Variants in NBEA observed in about 807,000 individuals in gnomAD.
NBEA encodes the protein neurobeachin.
Under a neutral mutation model 343.4 loss-of-function variants are expected in NBEA, and 44 were observed. The observed-to-expected ratio is 0.13, with a 90% CI of 0.10 to 0.16. The LOEUF (loss-of-function observed/expected upper bound fraction) is 0.16. NBEA is among the 10% of genes least tolerant of loss of function. The pLI, the probability that NBEA is intolerant of heterozygous loss-of-function variation, is 1.00. For missense variants in NBEA, 2,555 were observed against 3,631.3 expected (o/e 0.70, Z 7.62); for synonymous variants, 1,175 against 1,238.7 (o/e 0.95, Z 1.08).
intron 1 of NBEA, among the ~76,000 whole-genome samples, chr13:34,992,620 C>G (rs900529440): frequency 2.6e-5 from 4 of 151,698 alleles, no homozygotes; most frequent in African/African-American, 9.7e-5. Flanking sequence ...GGGAATAGTG[C>G]CCTTCAGTGT....
At chr13:35,591,487 C>T (rs899747305) in intron 46 of NBEA, among the ~76,000 whole-genome samples, 3 of 152,006 alleles carry the variant, frequency 2.0e-5, no homozygotes, top group Admixed American at 6.6e-5. Context: ...TCCTAAACAG[C>T]AATATGGACT....
intron 2 of NBEA, among the ~76,000 whole-genome samples, chr13:35,042,504 A>T (rs193213317): frequency 9.9e-5 from 15 of 151,568 alleles, no homozygotes; most frequent in Non-Finnish European, 1.9e-4. Flanking sequence ...CTGCTACTCT[A>T]TGGAGTGCAG....
rs1041919650 is a variant in NBEA at position 35,041,272 on chromosome 13, A to G, written c.526+108A>G. Reference sequence around the variant, plus strand: ...AGATTTGTTGACATTACTTTGATTTAAAATAAATGGAAATGTGTGGAAATT... The same window carrying G: ...AGATTTGTTGACATTACTTTGATTTGAAATAAATGGAAATGTGTGGAAATT... On this transcript the variant is annotated intron_variant, in intron 2 of 58. Transcript: ENST00000379939. The G allele has an allele frequency of 5.5e-5, 52 of 939,726 alleles. No individual in the cohort carries two copies. In the African/African-American group the frequency reaches 7.0e-4, roughly 13 times the overall value. The allele number at this position is 939,726 out of a possible 1,614,324, so 58.2% of individuals were successfully genotyped here.
chr13:35,441,174 A>G (rs908080554), intron 39 of NBEA, among the ~76,000 whole-genome samples: 2 of 152,094 alleles, frequency 1.3e-5, no homozygotes, highest in African/African-American at 2.4e-5. Context: ...ATTTTCCATC[A>G]TCTCACACTT....
intron 17 of NBEA, among the ~76,000 whole-genome samples, chr13:35,136,877 C>G (rs576357048): frequency 6.6e-6 from 1 of 152,258 alleles, no homozygotes; most frequent in South Asian, 2.1e-4. Context: ...AAGACAAGGT[C>G]AAGGAAGTGA....
intron 38 of NBEA, among the ~76,000 whole-genome samples, chr13:35,402,768 A>G (rs1231859966): frequency 1.3e-5 from 2 of 152,138 alleles, no homozygotes; most frequent in Non-Finnish European, 2.9e-5. Flanking sequence ...AATCAAATAC[A>G]AATAGGCCGG....
chr13:35,484,272 GTGTATA>G (rs1385406748), intron 41 of NBEA, among the ~76,000 whole-genome samples: 460 of 114,918 alleles, frequency 4.0e-3, no homozygotes, highest in African/African-American at 5.5e-3. Context: ...GTGTGTGTGT[GTGTATA>G]TATATATATA....
At chr13:35,160,689 C>A (rs1044308590) in intron 22 of NBEA, among the ~76,000 whole-genome samples, 3 of 152,086 alleles carry the variant, frequency 2.0e-5, no homozygotes, top group Non-Finnish European at 4.4e-5. Context: ...ATTAAAGACT[C>A]TTAGGTCTGG....
At chr13:35,642,992 C>A (rs1237050623) in intron 49 of NBEA, among the ~76,000 whole-genome samples, 1 of 151,120 alleles carries the variant, frequency 6.6e-6, no homozygotes, top group African/African-American at 2.4e-5. Flanking sequence ...CTCACTGACC[C>A]TTGCAGACCA....
intron 34 of NBEA, among the ~76,000 whole-genome samples, chr13:35,256,339 T>C (rs1421317592): frequency 6.6e-6 from 1 of 152,160 alleles, no homozygotes; most frequent in Non-Finnish European, 1.5e-5. Context: ...GTCTGGCTGG[T>C]TCTGGGGTCT....
chr13:35,024,024 T>G (rs1235238852), intron 1 of NBEA, among the ~76,000 whole-genome samples: 1 of 152,206 alleles, frequency 6.6e-6, no homozygotes, highest in Non-Finnish European at 1.5e-5. Context: ...TCCCCTTTTA[T>G]GTCCACATGC....
At chr13:34,961,222 G>A (rs184536987) in intron 1 of NBEA, among the ~76,000 whole-genome samples, 2 of 152,166 alleles carry the variant, frequency 1.3e-5, no homozygotes, top group East Asian at 3.9e-4. Flanking sequence ...TGTCACACTT[G>A]TGGCATGTTA....
At chr13:35,531,567 C>T (rs779257093) in intron 41 of NBEA, among the ~76,000 whole-genome samples, 1 of 152,070 alleles carries the variant, frequency 6.6e-6, no homozygotes, top group Non-Finnish European at 1.5e-5. Context: ...CTTACCTTTC[C>T]TTTGTATTGT....
intron 38 of NBEA, among the ~76,000 whole-genome samples, chr13:35,361,273 G>T (rs1456822087): frequency 2.6e-5 from 4 of 152,020 alleles, no homozygotes; most frequent in Admixed American, 6.6e-5. Context: ...TCTCAATGAA[G>T]TATTAAGAGA....
intron 8 of NBEA, among the ~76,000 whole-genome samples, chr13:35,063,378 G>A (rs1390726172): frequency 2.6e-5 from 4 of 151,920 alleles, no homozygotes; most frequent in African/African-American, 9.7e-5. Context: ...GACACACAAA[G>A]CAGGTAAAAA....
intron 36 of NBEA, among the ~76,000 whole-genome samples, chr13:35,331,860 A>G (rs1005557953): frequency 3.3e-5 from 5 of 152,064 alleles, no homozygotes; most frequent in Non-Finnish European, 7.4e-5. Context: ...ACATCACTTC[A>G]TTCACTTTCT....
chr13:35,059,941 G>A (rs1271750378), intron 8 of NBEA, among the ~76,000 whole-genome samples: 1 of 151,704 alleles, frequency 6.6e-6, no homozygotes, highest in Non-Finnish European at 1.5e-5. Flanking sequence ...TGTCTTACTA[G>A]CTCTAGAAAT....
chr13:35,266,000 C>T (rs987354452), intron 34 of NBEA, among the ~76,000 whole-genome samples: 1 of 151,638 alleles, frequency 6.6e-6, no homozygotes, highest in African/African-American at 2.4e-5. Flanking sequence ...TTAACTAAGC[C>T]AGAAAACAAA....
In NBEA at chr13:35,122,279, A is replaced by T. The variant is rs181042641; in HGVS notation, c.2244-1203A>T. 4.8e-3 allele frequency among the ~76,000 whole-genome samples: 733 copies of T among 152,276 alleles called. 6 individuals carry two copies. The highest frequency in any genetic ancestry group is 0.017 in the African/African-American group (689 of 41,548). ...TAAAGACACATGCACACGTATGTTTATTGTGGCACTATTCACAATAGCAAA... is the reference window on the plus strand; with the variant it reads ...TAAAGACACATGCACACGTATGTTTTTTGTGGCACTATTCACAATAGCAAA... On this transcript the variant is annotated intron_variant, in intron 16 of 58. Coordinates refer to ENST00000379939, the MANE Select transcript of NBEA (RefSeq NM_001385012.1).
Sources: gnomAD v4.1 joint callset for allele counts (sites outside exome capture counted in the v4.1 genomes callset) on GRCh38, gnomAD v4.1.1 for gene constraint, MANE v1.5 for transcripts, NCBI Gene and HGNC (gene_info 2026-07-23, HGNC 2026-07-21) for gene names.